The following PALLD variants were observed in gnomAD, a reference collection of about 807,000 sequenced individuals.
PALLD encodes palladin.
PALLD carries 61 observed loss-of-function variants against 123.5 expected under a neutral mutation model. The observed-to-expected ratio is 0.49, with a 90% CI of 0.40 to 0.61. The LOEUF (loss-of-function observed/expected upper bound fraction) is 0.61, where lower values mean the gene tolerates loss of function less well. Among genes scored for constraint, PALLD ranks in the 20% least tolerant of loss-of-function variants. PALLD has a pLI of 0.00. For missense variants in PALLD, 1,273 were observed against 1,377.0 expected, an observed-to-expected ratio of 0.92 and a Z score of 1.20; for synonymous variants, 465 against 496.4, an observed-to-expected ratio of 0.94 and a Z score of 0.84.
At chr4:168,636,549 G>A (rs556042716) in intron 2 of PALLD, among the ~76,000 whole-genome samples, 2 of 152,248 alleles carry the variant, frequency 1.3e-5, no homozygotes, top group African/African-American at 4.8e-5. Flanking sequence ...ACCATAGCAA[G>A]CAGCCCTCAC....
chr4:168,609,401 G>T (rs1307414593), intron 2 of PALLD, among the ~76,000 whole-genome samples: 1 of 145,232 alleles, frequency 6.9e-6, no homozygotes, highest in Admixed American at 6.9e-5. Context: ...GCCTGTTCCT[G>T]TTGTGATCCC....
At chr4:168,705,898 C>T (rs1452185636) in intron 8 of PALLD, among the ~76,000 whole-genome samples, 1 of 152,194 alleles carries the variant, frequency 6.6e-6, no homozygotes, top group East Asian at 1.9e-4. Flanking sequence ...CTGCCTCGGC[C>T]TCCCAAAGTG....
At chr4:168,527,422 CAAAAAAAA>C (rs35555541) in intron 2 of PALLD, among the ~76,000 whole-genome samples, 2 of 52,914 alleles carry the variant, frequency 3.8e-5, no homozygotes, top group East Asian at 6.6e-4. Context: ...AACTCCATCT[CAAAAAAAA>C]AAAAAAAAAA....
chr4:168,555,039 G>T (rs973810310), intron 2 of PALLD, among the ~76,000 whole-genome samples: 2 of 152,044 alleles, frequency 1.3e-5, no homozygotes, highest in Non-Finnish European at 1.5e-5. Context: ...ATTTGTATAC[G>T]ATGAGATTTA....
chr4:168,514,990 T>A (rs1284369378), intron 2 of PALLD, among the ~76,000 whole-genome samples: 1 of 152,224 alleles, frequency 6.6e-6, no homozygotes, highest in South Asian at 2.1e-4. Context: ...TATTCTGCAG[T>A]CTATGAAAGT....
intron 1 of PALLD, among the ~76,000 whole-genome samples, chr4:168,509,912 A>T (rs1762374829): frequency 6.6e-6 from 1 of 151,926 alleles, no homozygotes; most frequent in South Asian, 2.1e-4. Flanking sequence ...GATTTCTACA[A>T]CCCCCTCGAC....
At chr4:168,801,990 A>G (rs779224521) in intron 10 of PALLD, among the ~76,000 whole-genome samples, 41 of 152,230 alleles carry the variant, frequency 2.7e-4, no homozygotes, top group Non-Finnish European at 5.3e-4. Context: ...TAGTCTAGCC[A>G]TGTTCCATGA....
chr4:168,715,576 A>G (rs1434817476), intron 10 of PALLD, among the ~76,000 whole-genome samples: 1 of 152,188 alleles, frequency 6.6e-6, no homozygotes, highest in African/African-American at 2.4e-5. Context: ...CTGCCCTCTC[A>G]TTACAAATGA....
At chr4:168,533,064 G>A (rs530624562) in intron 2 of PALLD, among the ~76,000 whole-genome samples, 5 of 152,160 alleles carry the variant, frequency 3.3e-5, no homozygotes, top group Admixed American at 1.3e-4. Flanking sequence ...AAACCCTCGA[G>A]GACAATAATG....
chr4:168,642,918 C>G (rs1035028743), intron 2 of PALLD, among the ~76,000 whole-genome samples: 1 of 152,160 alleles, frequency 6.6e-6, no homozygotes, highest in Non-Finnish European at 1.5e-5. Context: ...AGGTGTATAC[C>G]TTGCCTTATT....
intron 8 of PALLD, among the ~76,000 whole-genome samples, chr4:168,704,074 C>T (rs937195528): frequency 1.3e-4 from 20 of 151,800 alleles, no homozygotes; most frequent in African/African-American, 1.9e-4. Context: ...TCAGAAATAA[C>T]GCCACATATC....
chr4:168,759,833 C>T lies in PALLD; in HGVS notation c.1964+47910C>T, dbSNP rs150561404. 3.0e-3 allele frequency among the ~76,000 whole-genome samples: 460 copies of T among 152,092 alleles called. 2 individuals are homozygous for T. The highest frequency in any genetic ancestry group is 8.7e-3 in the African/African-American group (363 of 41,492). On this transcript the variant is annotated intron_variant, in intron 10 of 21. Transcript: ENST00000505667. ...ACTTTGGGAGGTGGAGGCAGTGGAT[C>T]GCTTGAACCCAGGAGTTCGAGATCA...
intron 10 of PALLD, among the ~76,000 whole-genome samples, chr4:168,727,505 T>C (rs1171878116): frequency 6.6e-6 from 1 of 152,218 alleles, no homozygotes; most frequent in Non-Finnish European, 1.5e-5. Context: ...TGGCTGCTTG[T>C]ATGTTTTCTT....
At chr4:168,925,543 C>CT in intron 21 of PALLD, 1 of 479,340 alleles carries the variant, frequency 2.1e-6, no homozygotes, top group Non-Finnish European at 3.8e-6. Flanking sequence ...TGGCTTAGTG[C>CT]TTTTCTCATT....
Position 168,878,388 on chromosome 4 carries a change from C to T in PALLD, c.1965-12534C>T. On this transcript the variant is annotated intron_variant, in intron 10 of 21. Transcript: ENST00000505667. ...GCCCTGGGGCTGCCCAAGGGTGTCA[C>T]CCCCGCGTGAGTAACCGCCGCGGTC... 3 of 1,492,286 alleles carry T rather than the reference C, an allele frequency of 2.0e-6. No individual in the cohort carries two copies. The highest frequency in any genetic ancestry group is 2.6e-5 in the East Asian group (1 of 38,574). The allele number at this position is 1,492,286 out of a possible 1,614,324, so 92.4% of individuals were successfully genotyped here. A position where few individuals can be genotyped will look rare whatever the true frequency, so the allele number is the denominator to read the frequency against.
intron 8 of PALLD, among the ~76,000 whole-genome samples, chr4:168,701,113 G>A (rs1783629516): frequency 6.6e-6 from 1 of 152,196 alleles, no homozygotes. Flanking sequence ...TTGCTTTAAG[G>A]TGGTCAAACT....
intron 2 of PALLD, among the ~76,000 whole-genome samples, chr4:168,603,511 G>T (rs890862262): frequency 5.3e-5 from 8 of 152,016 alleles, no homozygotes; most frequent in African/African-American, 1.7e-4. Context: ...CTTCAGGAAA[G>T]ACCTATTTTT....
At chr4:168,669,800 GCACACACA>G (rs10637670) in intron 3 of PALLD, among the ~76,000 whole-genome samples, 10 of 147,930 alleles carry the variant, frequency 6.8e-5, no homozygotes, top group African/African-American at 2.5e-4. Flanking sequence ...CTTACAAAAT[GCACACACA>G]CACACACACA....
chr4:168,782,905 A>C, intron 10 of PALLD, among the ~76,000 whole-genome samples: 1 of 151,838 alleles, frequency 6.6e-6, no homozygotes, highest in Non-Finnish European at 1.5e-5. Flanking sequence ...ACAGAGTGAG[A>C]CTCTGCCTTA....
Sources: gnomAD v4.1 joint callset for allele counts (sites outside exome capture counted in the v4.1 genomes callset) on GRCh38, gnomAD v4.1.1 for gene constraint, MANE v1.5 for transcripts, NCBI Gene and HGNC (gene_info 2026-07-23, HGNC 2026-07-21) for gene names.